Variants in TRIP12 observed in about 807,000 individuals in gnomAD.
The protein encoded by TRIP12 is thyroid hormone receptor interactor 12.
In TRIP12, 25 loss-of-function variants were observed where a neutral mutation model predicts 244.2. That is an observed-to-expected ratio of 0.10 (90% CI 0.07 to 0.14). The LOEUF is 0.14. TRIP12 is among the 10% of genes least tolerant of loss of function. TRIP12 has a pLI of 1.00. For missense variants in TRIP12, 1,677 were observed against 2,486.4 expected, an observed-to-expected ratio of 0.67 and a Z score of 6.92; for synonymous variants, 905 against 873.1, an observed-to-expected ratio of 1.04 and a Z score of -0.64.
intron 33 of TRIP12, among the ~76,000 whole-genome samples, chr2:229,786,918 T>C (rs2040233305): frequency 6.6e-6 from 1 of 152,038 alleles, no homozygotes; most frequent in Admixed American, 6.6e-5. Flanking sequence ...AAGACCTAAG[T>C]AAAAACAGTG....
chr2:229,898,241 A>G (rs972062613), intron 1 of TRIP12, among the ~76,000 whole-genome samples: 3 of 152,220 alleles, frequency 2.0e-5, no homozygotes, highest in Non-Finnish European at 4.4e-5. Flanking sequence ...TAATGTTTGA[A>G]TATTTTTTAA....
rs2053135996 is a variant in TRIP12 at position 229,830,743 on chromosome 2, T to C, written c.1354+13A>G. 2 of 1,611,686 alleles carry C rather than the reference T, an allele frequency of 1.2e-6. No individual in the cohort carries two copies. The highest frequency in any genetic ancestry group is 1.7e-5 in the Admixed American group (1 of 59,972). On this transcript the variant is annotated intron_variant, in intron 7 of 41. Transcript: ENST00000675903. Reference sequence around the variant, plus strand: ...TGGTAATGGTTTCTTATAGGCTCAATAACTGTTTTTACCTTGCAAACGTCC... The same window carrying C: ...TGGTAATGGTTTCTTATAGGCTCAACAACTGTTTTTACCTTGCAAACGTCC...
chr2:229,860,276 A>G (rs2060250171), intron 3 of TRIP12, 130 bp downstream of exon 3: 2 of 1,195,558 alleles, frequency 1.7e-6, no homozygotes, highest in African/African-American at 3.1e-5. Flanking sequence ...TGTCAATCCT[A>G]AAAGTTACTT....
chr2:229,913,788 T>C (rs1020232357), intron 1 of TRIP12, among the ~76,000 whole-genome samples: 3 of 152,146 alleles, frequency 2.0e-5, no homozygotes, highest in Non-Finnish European at 4.4e-5. Flanking sequence ...ACTGTGAAGA[T>C]AAAAGAATGA....
intron 21 of TRIP12, among the ~76,000 whole-genome samples, chr2:229,801,512 T>G (rs548274714): frequency 8.2e-4 from 125 of 152,362 alleles, no homozygotes; most frequent in Admixed American, 4.6e-4. Flanking sequence ...GAAAGAGTAC[T>G]GAAGTGAATA....
At chr2:229,830,698 TG>T in intron 7 of TRIP12, 57 bp downstream of exon 7, 1 of 1,438,692 alleles carries the variant, frequency 7.0e-7, no homozygotes, top group South Asian at 1.2e-5. Context: ...CAATAAAGAA[TG>T]GTATTAACAG....
intron 4 of TRIP12, among the ~76,000 whole-genome samples, chr2:229,850,734 G>T (rs1435772857): frequency 1.3e-5 from 2 of 152,242 alleles, no homozygotes; most frequent in Non-Finnish European, 2.9e-5. Context: ...GCGCGAGTGG[G>T]AACGGGGGCT....
At chr2:229,824,023 G>C (rs968032898) in intron 8 of TRIP12, among the ~76,000 whole-genome samples, 3 of 152,104 alleles carry the variant, frequency 2.0e-5, no homozygotes, top group Admixed American at 1.3e-4. Context: ...AAAGAAAACA[G>C]ATATTCTAAG....
At chr2:229,838,404 T>C (rs1479067995) in intron 5 of TRIP12, among the ~76,000 whole-genome samples, 1 of 152,174 alleles carries the variant, frequency 6.6e-6, no homozygotes, top group Non-Finnish European at 1.5e-5. Context: ...ACCAAGGCAC[T>C]GTATATAAGC....
At position 229,765,426 on chromosome 2, in the gene TRIP12, G is replaced by A. The variant is rs575241926; in HGVS notation, c.*2128C>T. On this transcript the variant is annotated 3_prime_UTR_variant, in exon 42 of 42. Transcript: ENST00000675903. ...CTGCCCCAAATTAACCAAAGGTCCC[G>A]TGTATTGAAGGAGGAATAAGCTAAA... 6.6e-6 allele frequency: 1 copy of A among 152,148 alleles called. No individual in the cohort carries two copies. Among genetic ancestry groups the A allele is most frequent in the African/African-American group, 2.4e-5 (1 of 41,430 alleles). The allele number at this position is 152,148 out of a possible 1,614,324, so 9.4% of individuals were successfully genotyped here.
Position 229,807,743 on chromosome 2 carries a change from G to A in TRIP12, c.2461C>T (p.His821Tyr), listed in dbSNP as rs996236519. The change falls in exon 17 of 42, where the codon CAT (histidine) becomes TAT (tyrosine). Residue 821 changes from histidine to tyrosine, a missense_variant. Coordinates refer to ENST00000675903, the MANE Select transcript of TRIP12 (RefSeq NM_001348323.3). ...CGGCTGTCAATCCTGTTATATGGATGCCAGAGGCCCCGATCATCACGCCAC... is the reference window on the plus strand; with the variant it reads ...CGGCTGTCAATCCTGTTATATGGATACCAGAGGCCCCGATCATCACGCCAC... ...WQWRDDRGLW[H>Y]PYNRIDSRII... 3 of 1,614,110 alleles carry A rather than the reference G, an allele frequency of 1.9e-6. No individual in the cohort carries two copies. Among genetic ancestry groups the A allele is most frequent in the Admixed American group, 1.7e-5 (1 of 60,008 alleles).
intron 1 of TRIP12, among the ~76,000 whole-genome samples, chr2:229,897,562 C>G (rs761532313): frequency 2.4e-4 from 36 of 152,308 alleles, no homozygotes; most frequent in Middle Eastern, 6.8e-3. Context: ...GCAGGAGAAT[C>G]GCTTGAACCA....
At chr2:229,844,073 C>T (rs1221243431) in intron 4 of TRIP12, among the ~76,000 whole-genome samples, 2 of 152,118 alleles carry the variant, frequency 1.3e-5, no homozygotes, top group African/African-American at 4.8e-5. Context: ...TATCCAGTTG[C>T]AAGCTTTGAA....
At chr2:229,845,054 C>A (rs1400822838) in intron 4 of TRIP12, among the ~76,000 whole-genome samples, 1 of 152,072 alleles carries the variant, frequency 6.6e-6, no homozygotes, top group Admixed American at 6.6e-5. Context: ...GGTATATAAC[C>A]CAAGGAAATC....
chr2:229,791,837 A>G lies in TRIP12; in HGVS notation c.4415+29T>C, dbSNP rs777133286. On this transcript the variant is annotated intron_variant, in intron 29 of 41. Transcript: ENST00000675903. ...CAAGAACAGTTTCAAAGTTTATGAAAAAACAAAAGAAAGAATTTTCAGACT... is the reference window on the plus strand; with the variant it reads ...CAAGAACAGTTTCAAAGTTTATGAAGAAACAAAAGAAAGAATTTTCAGACT... The G allele has an allele frequency of 2.1e-5, 34 of 1,605,444 alleles. No individual in the cohort carries two copies. The South Asian group carries it at 3.6e-4, about 17-fold the overall frequency.
intron 5 of TRIP12, among the ~76,000 whole-genome samples, chr2:229,839,486 G>A (rs1392294033): frequency 6.6e-6 from 1 of 152,010 alleles, no homozygotes; most frequent in Non-Finnish European, 1.5e-5. Context: ...GACCATCCCG[G>A]TTAACATGGT....
chr2:229,770,055 T>C (rs1457781188), intron 39 of TRIP12, among the ~76,000 whole-genome samples: 2 of 152,158 alleles, frequency 1.3e-5, no homozygotes, highest in East Asian at 1.9e-4. Context: ...ACTCCCGTCA[T>C]GATCTCCTGG....
chr2:229,810,423 A>C (rs752161721), intron 15 of TRIP12, among the ~76,000 whole-genome samples: 1 of 152,240 alleles, frequency 6.6e-6, no homozygotes, highest in Non-Finnish European at 1.5e-5. Context: ...AGAAATACCA[A>C]ATTAGCAAAC....
Position 229,774,213 on chromosome 2 carries a change from A to T in TRIP12, c.5578T>A (p.Cys1860Ser). Reference protein sequence around the residue: ...YALETLTMNGCSVEDLGLDFT... With the variant: ...YALETLTMNGSSVEDLGLDFT... ...TCCAGTCCTAGATCTTCAACTGAGC[A>T]GCCATTCATAGTCAAGGTTTCTAAT... is the stretch of plus-strand genomic sequence containing the variant. Residue 1860 changes from cysteine (C) to serine (S), a missense_variant, in exon 38 of 42, where the codon TGC becomes AGC. By Grantham distance (112) the Cys-to-Ser change is moderately radical (BLOSUM62 -1). This residue lies in a region of TRIP12 where 171 missense variants were observed against 388.4 expected (regional missense o/e 0.44). Transcript: ENST00000675903. The T allele has an allele frequency of 6.2e-7, 1 of 1,614,210 alleles. No individual in the cohort carries two copies. The highest frequency in any genetic ancestry group is 8.5e-7 in the Non-Finnish European group (1 of 1,180,020).
Sources: allele counts gnomAD v4.1 joint callset (sites outside exome capture counted in the v4.1 genomes callset), GRCh38; gene constraint gnomAD v4.1.1; regional missense constraint gnomAD v4.1.1; transcripts MANE v1.5; gene names NCBI Gene and HGNC (gene_info 2026-07-23, HGNC 2026-07-21).